HNRNPC: variants seen among roughly 807,000 people sequenced by gnomAD.
HNRNPC encodes the protein heterogeneous nuclear ribonucleoprotein C.
In HNRNPC, 3 loss-of-function variants were observed where a neutral mutation model predicts 33.2. The ratio of observed to expected loss-of-function variants is 0.09; its 90% CI spans 0.04 to 0.23. The LOEUF is 0.23. Among genes scored for constraint, HNRNPC ranks in the 10% least tolerant of loss-of-function variants. HNRNPC has a pLI of 1.00. For missense variants in HNRNPC, 143 were observed against 366.7 expected, an observed-to-expected ratio of 0.39 and a Z score of 4.98; for synonymous variants, 121 against 126.7, an observed-to-expected ratio of 0.96 and a Z score of 0.30.
intron 2 of HNRNPC, among the ~76,000 whole-genome samples, chr14:21,262,033 G>GC (rs1878332934): frequency 1.3e-5 from 2 of 152,296 alleles, no homozygotes; most frequent in African/African-American, 4.8e-5. Flanking sequence ...TGTAAAAGGG[G>GC]TCAGCCTTAG....
intron 2 of HNRNPC, among the ~76,000 whole-genome samples, chr14:21,251,368 T>C (rs556285015): frequency 6.6e-6 from 1 of 151,870 alleles, no homozygotes; most frequent in South Asian, 2.1e-4. Flanking sequence ...AAAGTATACT[T>C]TAAGTCTACT....
At chr14:21,267,094 TCAAAAAAAAAAAAAAAAA>T (rs1286246669) in intron 1 of HNRNPC, among the ~76,000 whole-genome samples, 45 of 15,356 alleles carry the variant, frequency 2.9e-3, no homozygotes, top group Admixed American at 7.2e-3. Context: ...AGACTCCGTC[TCAAAAAAAAAAAAAAAAA>T]AAAAAAAAAA....
chr14:21,268,920 A>G (rs1179853489), intron 1 of HNRNPC, among the ~76,000 whole-genome samples: 2 of 151,858 alleles, frequency 1.3e-5, no homozygotes, highest in Non-Finnish European at 2.9e-5. Flanking sequence ...CACTTTTTAC[A>G]TGTAAGAAGA....
intron 5 of HNRNPC, among the ~76,000 whole-genome samples, chr14:21,228,369 A>G (rs376833437): frequency 9.2e-5 from 14 of 152,184 alleles, no homozygotes; most frequent in East Asian, 5.8e-4. Flanking sequence ...TTTATTTTCA[A>G]CTGGAAGTTC....
chr14:21,254,232 A>G (rs1302383194), intron 2 of HNRNPC, among the ~76,000 whole-genome samples: 1 of 152,176 alleles, frequency 6.6e-6, no homozygotes, highest in Non-Finnish European at 1.5e-5. Flanking sequence ...GGGGACGAGT[A>G]CAACAGTGTA....
At chr14:21,230,296 A>G in intron 5 of HNRNPC, 23 bp downstream of exon 5, 1 of 1,548,080 alleles carries the variant, frequency 6.5e-7, no homozygotes, top group Non-Finnish European at 8.9e-7. Context: ...TGTTTAGCAG[A>G]AATACAAAAC....
intron 2 of HNRNPC, among the ~76,000 whole-genome samples, chr14:21,257,867 T>C (rs1877496351): frequency 1.3e-5 from 2 of 152,110 alleles, no homozygotes; most frequent in Non-Finnish European, 2.9e-5. Context: ...GGCCTAAAGC[T>C]CACTTTTAAA....
chr14:21,228,765 C>CA (rs1594238360), intron 5 of HNRNPC, among the ~76,000 whole-genome samples: 2 of 151,872 alleles, frequency 1.3e-5, no homozygotes, highest in Non-Finnish European at 2.9e-5. Flanking sequence ...CCTTAGTTTT[C>CA]AAAATGTTCA....
chr14:21,225,982 G>C (rs1893377067), intron 5 of HNRNPC, among the ~76,000 whole-genome samples: 1 of 152,016 alleles, frequency 6.6e-6, no homozygotes. Flanking sequence ...AACACATATA[G>C]ATCAAGACTT....
At chr14:21,267,911 T>C (rs1879288072) in intron 1 of HNRNPC, among the ~76,000 whole-genome samples, 1 of 152,236 alleles carries the variant, frequency 6.6e-6, no homozygotes, top group Non-Finnish European at 1.5e-5. Context: ...TGATAAACTT[T>C]AGTTTTAAGT....
At chr14:21,242,785 T>G (rs1396100861) in intron 2 of HNRNPC, among the ~76,000 whole-genome samples, 3 of 152,188 alleles carry the variant, frequency 2.0e-5, no homozygotes, top group African/African-American at 7.2e-5. Context: ...TACGCATTAT[T>G]CTCACCAAGC....
intron 2 of HNRNPC, among the ~76,000 whole-genome samples, chr14:21,237,630 C>G (rs550354326): frequency 6.2e-4 from 94 of 152,284 alleles, no homozygotes; most frequent in Middle Eastern, 6.8e-3. Context: ...TGTGGTTTCT[C>G]GAGCACCACT....
At chr14:21,266,041 C>A (rs972982067) in intron 1 of HNRNPC, among the ~76,000 whole-genome samples, 1 of 152,140 alleles carries the variant, frequency 6.6e-6, no homozygotes, top group Non-Finnish European at 1.5e-5. Context: ...CTGGTGTTGG[C>A]TAACGTTTGA....
chr14:21,242,746 T>C (rs1895509070), intron 2 of HNRNPC, among the ~76,000 whole-genome samples: 1 of 152,196 alleles, frequency 6.6e-6, no homozygotes, highest in Non-Finnish European at 1.5e-5. Flanking sequence ...TGCCTCCTGA[T>C]GTGACACACT....
intron 2 of HNRNPC, among the ~76,000 whole-genome samples, chr14:21,238,998 G>A (rs886750352): frequency 6.6e-6 from 1 of 152,070 alleles, no homozygotes; most frequent in Non-Finnish European, 1.5e-5. Context: ...GTGGTGGCCT[G>A]CACCTGTAGT....
At chr14:21,211,603 A>G (rs149460563) in intron 7 of HNRNPC, 37 bp from the exon 8 acceptor site, 38 of 1,582,398 alleles carry the variant, frequency 2.4e-5, no homozygotes, top group South Asian at 5.7e-5. Context: ...TAGGGGCAGT[A>G]ATGTCCACAG....
chr14:21,254,531 G>C (rs35229066), intron 2 of HNRNPC: 1 of 152,042 alleles, frequency 6.6e-6, no homozygotes, highest in African/African-American at 2.4e-5. Flanking sequence ...TCAAAGGTAA[G>C]ATAAAGATGA....
At chr14:21,247,536 A>G (rs1294357700) in intron 2 of HNRNPC, among the ~76,000 whole-genome samples, 1 of 152,108 alleles carries the variant, frequency 6.6e-6, no homozygotes, top group East Asian at 1.9e-4. Context: ...TATTTTTTGT[A>G]CCCCGAAAAG....
intron 1 of HNRNPC, among the ~76,000 whole-genome samples, chr14:21,267,095 C>A (rs1482495254): frequency 2.2e-4 from 23 of 104,046 alleles, no homozygotes; most frequent in Middle Eastern, 5.3e-3. Context: ...GACTCCGTCT[C>A]AAAAAAAAAA....
Sources: gnomAD v4.1 joint callset for allele counts (sites outside exome capture counted in the v4.1 genomes callset) on GRCh38, gnomAD v4.1.1 for gene constraint, MANE v1.5 for transcripts, NCBI Gene and HGNC (gene_info 2026-07-23, HGNC 2026-07-21) for gene names.